The following KALRN variants were observed in gnomAD, a reference collection of about 807,000 sequenced individuals.
KALRN encodes kalirin RhoGEF kinase.
In KALRN, 70 loss-of-function variants were observed where a neutral mutation model predicts 353.7. The ratio of observed to expected loss-of-function variants is 0.20; its 90% confidence interval spans 0.16 to 0.24. The LOEUF (loss-of-function observed/expected upper bound fraction) is 0.24. KALRN is among the 10% of genes least tolerant of loss of function. KALRN has a pLI of 1.00. For synonymous variants in KALRN, 1,391 were observed against 1,434.8 expected (o/e 0.97, Z 0.69); for missense variants, 2,791 against 3,756.7 (o/e 0.74, Z 6.72).
chr3:124,699,889 T>A lies in KALRN; in HGVS notation c.7852T>A (p.Ser2618Thr). ...ACTAGGTTCTCAGATCTGGCAGCAGTCAGTGGCTTCGACCTTGGACACTTA... is the reference window on the plus strand; with the variant it reads ...ACTAGGTTCTCAGATCTGGCAGCAGACAGTGGCTTCGACCTTGGACACTTA... ...REEGSQIWQQ[S>T]VASTLDTYLV... The change falls in exon 56 of 60, where the codon TCA (serine) becomes ACA (threonine). Residue 2618 changes from serine to threonine, a missense_variant. Physicochemically the swap from Ser to Thr is moderately conservative, Grantham distance 58. Transcript: ENST00000682506. The A allele has an allele frequency of 6.2e-7, 1 of 1,614,206 alleles. No homozygotes were observed.
At chr3:124,332,581 AG>A in intron 8 of KALRN, among the ~76,000 whole-genome samples, 1 of 152,016 alleles carries the variant, frequency 6.6e-6, no homozygotes, top group Admixed American at 6.6e-5. Flanking sequence ...GGAGGGCCAT[AG>A]GTGTTGATTG....
intron 1 of KALRN, among the ~76,000 whole-genome samples, chr3:124,045,967 A>G (rs1382723908): frequency 6.6e-6 from 1 of 152,220 alleles, no homozygotes; most frequent in Admixed American, 6.5e-5. Flanking sequence ...GAAGCTTGGT[A>G]ATAAAAGTAA....
chr3:124,558,273 C>T (rs542135403), intron 33 of KALRN, among the ~76,000 whole-genome samples: 6 of 151,954 alleles, frequency 3.9e-5, no homozygotes, highest in Admixed American at 6.5e-5. Context: ...TCACTAATAC[C>T]GCCAGAATTT....
At chr3:124,217,068 T>G (rs10049028) in intron 1 of KALRN, among the ~76,000 whole-genome samples, 87,536 of 151,970 alleles carry the variant, frequency 0.58, 25,863 homozygotes, top group Non-Finnish European at 0.65. Flanking sequence ...TTTTAGTATC[T>G]CTTTTGGATT....
Position 124,497,994 on chromosome 3 carries a change from G to A in KALRN, c.4935+1581G>A, listed in dbSNP as rs553610372. 2.6e-5 allele frequency among the ~76,000 whole-genome samples: 4 copies of A among 152,290 alleles called. No individual in the cohort carries two copies. The South Asian group carries it at 8.3e-4, about 32-fold the overall frequency. On this transcript the variant is annotated intron_variant, in intron 33 of 59. Coordinates refer to ENST00000682506, the MANE Select transcript of KALRN (RefSeq NM_001388419.1). ...CTGGACTAGAAGACCTTTGACGGCA[G>A]CCATTTTACTATTAATGAGGGGTCC...
intron 48 of KALRN, among the ~76,000 whole-genome samples, chr3:124,673,987 C>T (rs2086843449): frequency 6.6e-6 from 1 of 152,160 alleles, no homozygotes; most frequent in South Asian, 2.1e-4. Context: ...CCTGACATGA[C>T]ACTTGCCCTG....
At chr3:124,417,576 C>T (rs2150315624) in intron 14 of KALRN, among the ~76,000 whole-genome samples, 1 of 152,286 alleles carries the variant, frequency 6.6e-6, no homozygotes, top group East Asian at 1.9e-4. Context: ...TGAGAAGAAC[C>T]CAACCCCAAC....
intron 51 of KALRN, among the ~76,000 whole-genome samples, chr3:124,689,351 C>T (rs964466254): frequency 6.6e-6 from 1 of 152,060 alleles, no homozygotes; most frequent in African/African-American, 2.4e-5. Flanking sequence ...AGTAGCTGTG[C>T]ACCACCACAC....
At chr3:124,078,621 A>G (rs1249160138) in intron 1 of KALRN, among the ~76,000 whole-genome samples, 1 of 152,170 alleles carries the variant, frequency 6.6e-6, no homozygotes, top group Non-Finnish European at 1.5e-5. Flanking sequence ...GACAACAAAC[A>G]TAGTCCTAAC....
rs747383247 is a variant in KALRN, at chr3:124,455,216, G to A, written c.3592G>A (p.Asp1198Asn). 5.6e-6 allele frequency: 9 copies of A among 1,614,030 alleles called. No homozygotes were observed. Among genetic ancestry groups the A allele is most frequent in the African/African-American group, 2.7e-5 (2 of 74,910 alleles). ...GGTGAAGCTTCTGATTCAGCTGGCCGATAGCTTTGTGGAAAAAGGCCACAT... is the reference window on the plus strand; with the variant it reads ...GGTGAAGCTTCTGATTCAGCTGGCCAATAGCTTTGTGGAAAAAGGCCACAT... ...EKVKLLIQLA[D>N]SFVEKGHIHA... The change falls in exon 22 of 60, where the codon GAT (aspartate) becomes AAT (asparagine). Residue 1198 changes from aspartate to asparagine, a missense_variant. Coordinates refer to ENST00000682506, the MANE Select transcript of KALRN (RefSeq NM_001388419.1).
chr3:124,258,631 G>A (rs17221479), intron 3 of KALRN, among the ~76,000 whole-genome samples: 11,822 of 152,188 alleles, frequency 0.078, 508 homozygotes, highest in South Asian at 0.094. Context: ...ACCCATTCGG[G>A]GATCTATTCA....
chr3:124,203,900 A>G (rs1258085920), intron 1 of KALRN, among the ~76,000 whole-genome samples: 1 of 152,226 alleles, frequency 6.6e-6, no homozygotes, highest in Non-Finnish European at 1.5e-5. Context: ...TTTCAACCAA[A>G]TGCAAATTGA....
chr3:124,443,707 A>T (rs1360221167), intron 19 of KALRN, among the ~76,000 whole-genome samples: 2 of 152,214 alleles, frequency 1.3e-5, no homozygotes, highest in Non-Finnish European at 2.9e-5. Flanking sequence ...ACCCAGAGAC[A>T]GTGGGAAATG....
At chr3:124,235,547 G>T (rs1446050002) in intron 3 of KALRN, among the ~76,000 whole-genome samples, 14 of 152,116 alleles carry the variant, frequency 9.2e-5, no homozygotes, top group Non-Finnish European at 2.1e-4. Context: ...AGAACCACAA[G>T]ATGTGAGAGT....
At chr3:124,310,683 A>C (rs1257168569) in intron 6 of KALRN, among the ~76,000 whole-genome samples, 1 of 152,236 alleles carries the variant, frequency 6.6e-6, no homozygotes, top group Non-Finnish European at 1.5e-5. Context: ...TTTTCAACAA[A>C]TGGTGCTGGG....
intron 1 of KALRN, among the ~76,000 whole-genome samples, chr3:124,096,431 G>T (rs1160645831): frequency 6.6e-6 from 1 of 152,104 alleles, no homozygotes; most frequent in African/African-American, 2.4e-5. Context: ...ATAATAACCG[G>T]GAACTAAGAA....
At chr3:124,270,001 C>T (rs1389389687) in intron 5 of KALRN, among the ~76,000 whole-genome samples, 2 of 152,124 alleles carry the variant, frequency 1.3e-5, no homozygotes, top group Non-Finnish European at 2.9e-5. Flanking sequence ...CAAAGCTTTC[C>T]CCTTATCAGG....
intron 1 of KALRN, among the ~76,000 whole-genome samples, chr3:124,079,545 G>A (rs1184644290): frequency 6.6e-6 from 1 of 152,158 alleles, no homozygotes; most frequent in Non-Finnish European, 1.5e-5. Context: ...TGGTGGTAGA[G>A]TATACCACCT....
At chr3:124,666,695 C>T (rs2085671135) in intron 46 of KALRN, 61 bp downstream of exon 46, 2 of 1,405,320 alleles carry the variant, frequency 1.4e-6, no homozygotes, top group East Asian at 2.3e-5. Context: ...GGAGCTGCTT[C>T]CCTAAGACGA....
Sources: gnomAD v4.1 joint callset for allele counts (sites outside exome capture counted in the v4.1 genomes callset) on GRCh38, gnomAD v4.1.1 for gene constraint, MANE v1.5 for transcripts, NCBI Gene and HGNC (gene_info 2026-07-23, HGNC 2026-07-21) for gene names.